The following INO80 variants were observed in gnomAD, a reference collection of about 807,000 sequenced individuals.
INO80 encodes INO80 complex ATPase subunit, also known as chromatin-remodeling ATPase INO80.
INO80 carries 20 observed loss-of-function variants against 203.4 expected under a neutral mutation model. That is an observed-to-expected ratio of 0.10 (90% confidence interval 0.07 to 0.14). The LOEUF (loss-of-function observed/expected upper bound fraction) is 0.14, where lower values mean the gene tolerates loss of function less well. INO80 is among the 10% of genes least tolerant of loss of function. The probability of loss-of-function intolerance (pLI) is 1.00; values close to 1 mark genes in which losing one functional copy is unlikely to be tolerated. For missense variants in INO80, 1,419 were observed against 1,914.4 expected, an observed-to-expected ratio of 0.74 and a Z score of 4.83; for synonymous variants, 726 against 685.2, an observed-to-expected ratio of 1.06 and a Z score of -0.93.
chr15:41,109,525 A>G (rs970700736), intron 1 of INO80, among the ~76,000 whole-genome samples: 6 of 152,116 alleles, frequency 3.9e-5, no homozygotes, highest in Admixed American at 3.9e-4. Context: ...ACAGTGGCTC[A>G]TGGCTGTAAC....
intron 24 of INO80, among the ~76,000 whole-genome samples, chr15:41,032,003 C>G (rs1176779444): frequency 5.4e-4 from 25 of 46,682 alleles, no homozygotes; most frequent in African/African-American, 1.1e-3. Context: ...CACAGGACAG[C>G]ACAGCACAGC....
intron 27 of INO80, among the ~76,000 whole-genome samples, chr15:41,014,915 C>T (rs2044181167): frequency 6.6e-6 from 1 of 152,156 alleles, no homozygotes; most frequent in Admixed American, 6.5e-5. Flanking sequence ...TTTCCACTTA[C>T]TTATTACGAT....
intron 19 of INO80, among the ~76,000 whole-genome samples, chr15:41,051,148 G>GTTCTCCCA (rs1318755444): frequency 1.3e-5 from 1 of 76,720 alleles, no homozygotes; most frequent in Non-Finnish European, 2.6e-5. Context: ...AAAAAAGAAA[G>GTTCTCCCA]TTCTCCCATA....
chr15:41,069,722 A>G (rs1044031372), intron 13 of INO80, 57 bp from the exon 14 acceptor site: 23 of 953,830 alleles, frequency 2.4e-5, no homozygotes, highest in Non-Finnish European at 3.8e-5. Flanking sequence ...ATTTAATTCA[A>G]AATTATAATT....
Position 40,980,214 on chromosome 15 carries a change from C to T in INO80, c.*9G>A. On this transcript the variant is annotated 3_prime_UTR_variant, in exon 36 of 36. Coordinates refer to ENST00000648947, the MANE Select transcript of INO80 (RefSeq NM_017553.3). ...GGTTTGGTTGAAGGAAGTCGGAGGGCCCAGATGGTTACCGTCCTCCAGAGG... is the reference window on the plus strand; with the variant it reads ...GGTTTGGTTGAAGGAAGTCGGAGGGTCCAGATGGTTACCGTCCTCCAGAGG... 4 of 1,611,214 alleles carry T rather than the reference C, an allele frequency of 2.5e-6. No individual in the cohort carries two copies. Among genetic ancestry groups the T allele is most frequent in the Non-Finnish European group, 3.4e-6 (4 of 1,178,954 alleles).
intron 19 of INO80, among the ~76,000 whole-genome samples, chr15:41,052,839 T>A (rs189595010): frequency 8.1e-6 from 1 of 123,624 alleles, no homozygotes; most frequent in Admixed American, 9.1e-5. Flanking sequence ...ATGGGGAACA[T>A]GGCAAAACTG....
chr15:41,014,943 C>T (rs151006598), intron 27 of INO80, among the ~76,000 whole-genome samples: 310 of 152,170 alleles, frequency 2.0e-3, no homozygotes, highest in Middle Eastern at 6.8e-3. Flanking sequence ...TGTAGCAGGG[C>T]GAGGGTATGA....
intron 7 of INO80, among the ~76,000 whole-genome samples, chr15:41,083,314 T>C (rs899981952): frequency 6.7e-6 from 1 of 150,186 alleles, no homozygotes; most frequent in Admixed American, 6.6e-5. Context: ...GCATCAACTA[T>C]GTCTCCAGAA....
intron 1 of INO80, 130 bp downstream of exon 1, chr15:41,115,843 C>T (rs923929657): frequency 1.1e-5 from 4 of 371,108 alleles, no homozygotes; most frequent in Non-Finnish European, 1.9e-5. Context: ...TCCATACTAA[C>T]CCCAACAAAT....
chr15:41,096,098 C>G, intron 2 of INO80, 70 bp downstream of exon 2: 1 of 1,478,868 alleles, frequency 6.8e-7, no homozygotes, highest in Non-Finnish European at 9.1e-7. Flanking sequence ...TACTTTAATC[C>G]TGTAAAATCT....
chr15:41,080,438 T>A (rs2045468856), intron 8 of INO80, among the ~76,000 whole-genome samples: 1 of 152,202 alleles, frequency 6.6e-6, no homozygotes. Context: ...ATTCACATCA[T>A]TATTTCTTAG....
chr15:41,060,396 C>T (rs2045081483), intron 14 of INO80, among the ~76,000 whole-genome samples: 1 of 151,946 alleles, frequency 6.6e-6, no homozygotes, highest in Admixed American at 6.6e-5. Context: ...GGAGACCAGC[C>T]TGGCCAACAT....
At chr15:41,087,229 A>G (rs904844664) in intron 6 of INO80, among the ~76,000 whole-genome samples, 1 of 152,206 alleles carries the variant, frequency 6.6e-6, no homozygotes, top group Non-Finnish European at 1.5e-5. Context: ...AAGTATTTAC[A>G]TAGCATTTAC....
chr15:41,010,265 C>T (rs1254538888), intron 27 of INO80, among the ~76,000 whole-genome samples: 2 of 152,182 alleles, frequency 1.3e-5, no homozygotes, highest in East Asian at 3.8e-4. Flanking sequence ...TTTATCCAAT[C>T]ATTATGGCAA....
intron 29 of INO80, 119 bp from the exon 30 acceptor site, chr15:40,988,093 G>GA: frequency 1.3e-6 from 1 of 744,116 alleles, no homozygotes; most frequent in Non-Finnish European, 2.2e-6. Context: ...TCGTTTCTAT[G>GA]ATATTGAGCT....
At chr15:41,085,856 A>G (rs1424016590) in intron 6 of INO80, among the ~76,000 whole-genome samples, 1 of 152,144 alleles carries the variant, frequency 6.6e-6, no homozygotes, top group African/African-American at 2.4e-5. Flanking sequence ...CCCGAGAACC[A>G]AATTTCTTTT....
At chr15:41,101,698 C>T (rs576057708) in intron 1 of INO80, among the ~76,000 whole-genome samples, 2 of 151,942 alleles carry the variant, frequency 1.3e-5, no homozygotes, top group South Asian at 2.1e-4. Context: ...TGCAGGCGCC[C>T]GCCACAACGC....
intron 25 of INO80, among the ~76,000 whole-genome samples, chr15:41,023,768 C>CA (rs139814568): frequency 0.71 from 45,473 of 63,610 alleles, 17,548 homozygotes; most frequent in Non-Finnish European, 0.79. Flanking sequence ...GACTCTGTCT[C>CA]AAAAAAAAAA....
intron 16 of INO80, 65 bp downstream of exon 16, chr15:41,058,574 T>TGTGTGTGTGC: frequency 1.4e-6 from 1 of 734,140 alleles, no homozygotes; most frequent in African/African-American, 2.2e-5. Context: ...TGTGTGCGTG[T>TGTGTGTGTGC]GTGTGTGTGT....
Sources: gnomAD v4.1 joint callset for allele counts (sites outside exome capture counted in the v4.1 genomes callset) on GRCh38, gnomAD v4.1.1 for gene constraint, MANE v1.5 for transcripts, NCBI Gene and HGNC (gene_info 2026-07-23, HGNC 2026-07-21) for gene names.